The following CADM2 variants were observed in gnomAD, a reference collection of about 807,000 sequenced individuals.
CADM2 encodes the protein immunoglobulin superfamily member 4D.
A neutral mutation model predicts 49.8 loss-of-function variants in CADM2; 12 were observed. The observed-to-expected ratio is 0.24, with a 90% CI of 0.15 to 0.39. The LOEUF (loss-of-function observed/expected upper bound fraction) is 0.39. Ranked by LOEUF, CADM2 falls within the 10% of genes least tolerant of loss-of-function variation. The pLI, the probability that CADM2 is intolerant of heterozygous loss-of-function variation, is 1.00. For missense variants in CADM2, 378 were observed against 492.3 expected, an observed-to-expected ratio of 0.77 and a Z score of 2.20; for synonymous variants, 214 against 175.4, an observed-to-expected ratio of 1.22 and a Z score of -1.74.
chr3:85,361,783 A>C (rs972492186), intron 1 of CADM2, among the ~76,000 whole-genome samples: 2 of 152,214 alleles, frequency 1.3e-5, no homozygotes, highest in Non-Finnish European at 2.9e-5. Flanking sequence ...AGAATTAGTC[A>C]CAATGCCATG....
chr3:85,317,141 TG>T (rs57451602), intron 1 of CADM2, among the ~76,000 whole-genome samples: 8,774 of 151,606 alleles, frequency 0.058, 445 homozygotes, highest in East Asian at 0.17. Flanking sequence ...TTTGGGGGGA[TG>T]GGGGGTGGTG....
At chr3:85,892,770 A>G (rs896257700) in intron 5 of CADM2, among the ~76,000 whole-genome samples, 10 of 152,202 alleles carry the variant, frequency 6.6e-5, no homozygotes, top group African/African-American at 1.4e-4. Flanking sequence ...AAGTTACCCA[A>G]AAATGTGGAG....
At chr3:85,864,655 ACTTT>A (rs1464183117) in intron 3 of CADM2, among the ~76,000 whole-genome samples, 64 of 152,322 alleles carry the variant, frequency 4.2e-4, no homozygotes, top group East Asian at 1.9e-4. Flanking sequence ...AAGTGACTGT[ACTTT>A]CTAATACTAT....
chr3:85,488,670 T>G (rs1291652743), intron 1 of CADM2, among the ~76,000 whole-genome samples: 1 of 152,072 alleles, frequency 6.6e-6, no homozygotes, highest in Admixed American at 6.6e-5. Flanking sequence ...TAGCTGGGAT[T>G]AGAGGCACTC....
chr3:85,955,272 T>C (rs1348715016), intron 7 of CADM2, among the ~76,000 whole-genome samples: 1 of 151,322 alleles, frequency 6.6e-6, no homozygotes, highest in Non-Finnish European at 1.5e-5. Flanking sequence ...CCCCAACATA[T>C]CCTATCTTTA....
Position 85,590,705 on chromosome 3 carries a change from A to C in CADM2, c.62-135817A>C, listed in dbSNP as rs530892720. Among the ~76,000 whole-genome samples the C allele has an allele frequency of 3.4e-4, 52 of 152,006 alleles. No individual in the cohort carries two copies. In the South Asian group the frequency reaches 0.01, roughly 30 times the overall value. ...GAAAAGGGTCTGGAACATAGGTGATAAGGAATGATTTGCTAAGAACAAAAT... is the reference window on the plus strand; with the variant it reads ...GAAAAGGGTCTGGAACATAGGTGATCAGGAATGATTTGCTAAGAACAAAAT... On this transcript the variant is annotated intron_variant, in intron 1 of 9. Coordinates refer to ENST00000383699, the MANE Select transcript of CADM2 (RefSeq NM_001167675.2).
intron 1 of CADM2, among the ~76,000 whole-genome samples, chr3:85,557,972 C>G (rs1328340333): frequency 6.6e-6 from 1 of 151,996 alleles, no homozygotes; most frequent in African/African-American, 2.4e-5. Flanking sequence ...TTAGACAAAG[C>G]ATTTGAACAC....
intron 1 of CADM2, among the ~76,000 whole-genome samples, chr3:85,374,679 T>C (rs977610222): frequency 2.4e-4 from 37 of 152,096 alleles, no homozygotes; most frequent in South Asian, 2.1e-4. Context: ...CTCACACTCA[T>C]GGTGGAAGGC....
intron 1 of CADM2, among the ~76,000 whole-genome samples, chr3:85,546,345 A>G (rs1294286423): frequency 6.6e-6 from 1 of 152,196 alleles, no homozygotes; most frequent in Non-Finnish European, 1.5e-5. Context: ...AGCATCATCC[A>G]GATTTTATTA....
At chr3:85,553,963 A>G (rs2061882453) in intron 1 of CADM2, among the ~76,000 whole-genome samples, 1 of 152,178 alleles carries the variant, frequency 6.6e-6, no homozygotes. Flanking sequence ...CATATGTTGG[A>G]ATAAAAATCC....
At chr3:85,973,774 C>T (rs963627689) in intron 8 of CADM2, among the ~76,000 whole-genome samples, 15 of 151,682 alleles carry the variant, frequency 9.9e-5, no homozygotes, top group African/African-American at 3.6e-4. Flanking sequence ...TGTGGGTCCT[C>T]CCATAGCAGT....
At chr3:85,454,614 C>T (rs947101170) in intron 1 of CADM2, among the ~76,000 whole-genome samples, 2 of 152,092 alleles carry the variant, frequency 1.3e-5, no homozygotes, top group African/African-American at 4.8e-5. Flanking sequence ...GATCAAATTA[C>T]CCATTATGTC....
intron 2 of CADM2, among the ~76,000 whole-genome samples, chr3:85,766,598 A>T (rs1444135521): frequency 6.6e-6 from 1 of 152,214 alleles, no homozygotes; most frequent in East Asian, 1.9e-4. Context: ...TAGTTTTGTG[A>T]TGCTGGAATT....
chr3:85,800,367 T>A (rs2071927358), intron 2 of CADM2: 1 of 152,290 alleles, frequency 6.6e-6, no homozygotes, highest in Admixed American at 6.6e-5. Context: ...GCTCCCTGGC[T>A]TCAGCCGTCT....
At chr3:86,013,495 G>A (rs1731810261) in intron 8 of CADM2, 1 of 1,603,524 alleles carries the variant, frequency 6.2e-7, no homozygotes, top group South Asian at 1.1e-5. Context: ...CTGAGAAAGC[G>A]CTTTGAGACA....
chr3:85,826,670 A>G (rs778958040), intron 3 of CADM2, among the ~76,000 whole-genome samples: 4 of 151,946 alleles, frequency 2.6e-5, no homozygotes, highest in African/African-American at 9.7e-5. Flanking sequence ...GAATTTAACC[A>G]TGGGGAATTT....
At chr3:85,210,539 TTTTTTTC>T (rs1460667365) in intron 1 of CADM2, among the ~76,000 whole-genome samples, 1 of 152,004 alleles carries the variant, frequency 6.6e-6, no homozygotes, top group Non-Finnish European at 1.5e-5. Context: ...TTTTTGGGGA[TTTTTTTC>T]TTTTTTCTTT....
chr3:85,966,393 G>A (rs946793512), intron 8 of CADM2, among the ~76,000 whole-genome samples: 2 of 151,208 alleles, frequency 1.3e-5, no homozygotes, highest in South Asian at 2.1e-4. Flanking sequence ...TTCTTTTACC[G>A]TAGTAACCCT....
chr3:85,632,337 C>T (rs1298927154), intron 1 of CADM2, among the ~76,000 whole-genome samples: 1 of 152,106 alleles, frequency 6.6e-6, no homozygotes, highest in Non-Finnish European at 1.5e-5. Flanking sequence ...CATTAGACCT[C>T]TTTCCTTTGT....
Sources: allele counts gnomAD v4.1 joint callset (sites outside exome capture counted in the v4.1 genomes callset), GRCh38; gene constraint gnomAD v4.1.1; transcripts MANE v1.5; gene names NCBI Gene and HGNC (gene_info 2026-07-23, HGNC 2026-07-21).